The following LMF1 variants were observed in gnomAD, a reference collection of about 807,000 sequenced individuals.
LMF1 encodes transmembrane protein 112.
LMF1 carries 68 observed loss-of-function variants against 60.6 expected under a neutral mutation model. The ratio of observed to expected loss-of-function variants is 1.12; its 90% CI spans 0.92 to 1.37. The LOEUF (loss-of-function observed/expected upper bound fraction) is 1.37. Among genes scored for constraint, LMF1 ranks in the 40% most tolerant of loss-of-function variants. The pLI, the probability that LMF1 is intolerant of heterozygous loss-of-function variation, is 0.00. For synonymous variants in LMF1, 418 were observed against 324.7 expected (o/e 1.29, Z -3.09); for missense variants, 948 against 767.2 (o/e 1.24, Z -2.78).
chr16:944,918 T>TA (rs35660928), intron 2 of LMF1, among the ~76,000 whole-genome samples: 71,619 of 151,126 alleles, frequency 0.47, 18,580 homozygotes, highest in African/African-American at 0.69. Context: ...CTTGTTAGGT[T>TA]AAAAAAAATA....
chr16:861,882 C>G (rs573041255), intron 10 of LMF1, among the ~76,000 whole-genome samples: 1 of 152,314 alleles, frequency 6.6e-6, no homozygotes, highest in Non-Finnish European at 1.5e-5. Context: ...AAGGGTGATT[C>G]CTTGCCCTCG....
At chr16:932,508 A>G (rs2071819260) in intron 3 of LMF1, among the ~76,000 whole-genome samples, 2 of 152,252 alleles carry the variant, frequency 1.3e-5, no homozygotes, top group South Asian at 2.1e-4. Flanking sequence ...CTCCCGCTAG[A>G]CACAGGTGTC....
At chr16:937,501 T>C (rs796294953) in intron 2 of LMF1, among the ~76,000 whole-genome samples, 89 of 148,350 alleles carry the variant, frequency 6.0e-4, no homozygotes, top group Non-Finnish European at 1.1e-3. Flanking sequence ...ACTGACAGGC[T>C]GCTGGGGTCT....
intron 3 of LMF1, among the ~76,000 whole-genome samples, chr16:913,016 G>A (rs890196229): frequency 3.3e-5 from 5 of 152,186 alleles, no homozygotes; most frequent in African/African-American, 9.6e-5. Flanking sequence ...GCGGCAACAC[G>A]CAGGGCCACA....
intron 5 of LMF1, among the ~76,000 whole-genome samples, chr16:881,167 G>A (rs2070152215): frequency 5.3e-5 from 8 of 152,124 alleles, no homozygotes; most frequent in Admixed American, 5.2e-4. Context: ...TGGGGGTGTG[G>A]GAAGCGCAGG....
chr16:875,813 G>C (rs1047019184), intron 6 of LMF1, among the ~76,000 whole-genome samples: 2 of 152,174 alleles, frequency 1.3e-5, no homozygotes, highest in Non-Finnish European at 2.9e-5. Context: ...GCGGGACCCT[G>C]GGGCAGCACA....
At chr16:875,183 A>G (rs2069937941) in intron 6 of LMF1, among the ~76,000 whole-genome samples, 1 of 152,112 alleles carries the variant, frequency 6.6e-6, no homozygotes, top group Middle Eastern at 3.4e-3. Flanking sequence ...TGGTGCTCAC[A>G]GTCCCAGGTG....
chr16:891,995 A>G (rs2070502926), intron 5 of LMF1, among the ~76,000 whole-genome samples: 1 of 152,196 alleles, frequency 6.6e-6, no homozygotes, highest in Admixed American at 6.5e-5. Context: ...GGGGCACTTG[A>G]TGGGCTATGG....
In LMF1 at chr16:854,377, G is replaced by A. The variant is rs562002133; in HGVS notation, c.*155C>T. The A allele has an allele frequency of 4.8e-6, 4 of 836,558 alleles. No individual in the cohort carries two copies. The highest frequency in any genetic ancestry group is 2.9e-5 in the South Asian group (2 of 68,076). 51.8% of individuals were successfully genotyped at this position (836,558 alleles called of 1,614,324 possible). ...GGAGCCGCCACAGTATGTGACAACA[G>A]ACCCCACCCTGGACCCCCGTGCTGG... On this transcript the variant is annotated 3_prime_UTR_variant, in exon 11 of 11. Transcript: ENST00000262301.
At chr16:941,508 C>T (rs429469) in intron 2 of LMF1, among the ~76,000 whole-genome samples, 18 of 152,224 alleles carry the variant, frequency 1.2e-4, no homozygotes, top group Non-Finnish European at 2.4e-4. Flanking sequence ...CAGGTATGAG[C>T]CACCATGCCT....
rs1469499879 is a variant in LMF1 at position 980,272 on chromosome 16, C to G, written c.-135+873G>C. ...TCCCAATGCAAAGCAGCAAGGGCCCCGGGGTCTGCGGACGGGGGCGGGCGG... is the reference window on the plus strand; with the variant it reads ...TCCCAATGCAAAGCAGCAAGGGCCCGGGGGTCTGCGGACGGGGGCGGGCGG... On this transcript the variant is annotated intron_variant, in intron 1 of 6. Transcript: ENST00000570014. The G allele has an allele frequency of 1.1e-4, 17 of 158,372 alleles. No individual in the cohort carries two copies. The South Asian group carries it at 3.2e-3, about 30-fold the overall frequency. 9.8% of individuals were successfully genotyped at this position (158,372 alleles called of 1,614,324 possible).
At chr16:877,154 G>C (rs1365862137) in intron 6 of LMF1, among the ~76,000 whole-genome samples, 1 of 152,174 alleles carries the variant, frequency 6.6e-6, no homozygotes, top group Admixed American at 6.5e-5. Context: ...AACATAGCGA[G>C]ACCCCCAGCT....
At chr16:889,531 G>A (rs917412791) in intron 5 of LMF1, among the ~76,000 whole-genome samples, 4 of 152,154 alleles carry the variant, frequency 2.6e-5, no homozygotes, top group African/African-American at 4.8e-5. Context: ...GCTCTGTGCT[G>A]CTGAAACTTC....
intron 3 of LMF1, among the ~76,000 whole-genome samples, chr16:916,051 A>C (rs12597566): frequency 0.32 from 49,139 of 152,050 alleles, 10,302 homozygotes; most frequent in African/African-American, 0.58. Flanking sequence ...CGGCAAAGGG[A>C]GGGATGAGGG....
At position 949,738 on chromosome 16, in the gene LMF1, G is replaced by A. The variant is rs1483166436; in HGVS notation, c.503+4619C>T. Among the ~76,000 whole-genome samples the A allele has an allele frequency of 6.2e-5, 6 of 96,890 alleles. 1 individual carries two copies. Among genetic ancestry groups the A allele is most frequent in the Non-Finnish European group, 1.1e-4 (6 of 53,124 alleles). The allele number at this position is 96,890 out of a possible 152,430, so 63.6% of individuals were successfully genotyped here. A position where few individuals can be genotyped will look rare whatever the true frequency, so the allele number is the denominator to read the frequency against. On this transcript the variant is annotated intron_variant, in intron 2 of 10. Coordinates refer to ENST00000262301, the MANE Select transcript of LMF1 (RefSeq NM_022773.4). ...CAACGACAGAGTCAGAGACGACAGA[G>A]TCAGAGACGACAGAGTCAGAGCCAA...
At chr16:866,109 C>T (rs111246156) in intron 10 of LMF1, among the ~76,000 whole-genome samples, 1 of 152,366 alleles carries the variant, frequency 6.6e-6, no homozygotes, top group African/African-American at 2.4e-5. Flanking sequence ...TTGGTGCTAT[C>T]ATCTGTCGAC....
At position 946,318 on chromosome 16, in the gene LMF1, T is replaced by C. The variant is rs76812590; in HGVS notation, c.503+8039A>G. Reference sequence around the variant, plus strand: ...CCACTTGTGTGCTTTCCGAATTCACTGTATTGTTGCAAATCCCAGAAACCT... The same window carrying C: ...CCACTTGTGTGCTTTCCGAATTCACCGTATTGTTGCAAATCCCAGAAACCT... On this transcript the variant is annotated intron_variant, in intron 2 of 10. Transcript: ENST00000262301. Among the ~76,000 whole-genome samples the C allele has an allele frequency of 6.4e-4, 97 of 152,356 alleles. No individual in the cohort carries two copies. In the East Asian group the frequency reaches 0.016, roughly 25 times the overall value.
At chr16:941,115 A>G (rs2072090389) in intron 2 of LMF1, among the ~76,000 whole-genome samples, 1 of 152,168 alleles carries the variant, frequency 6.6e-6, no homozygotes, top group Non-Finnish European at 1.5e-5. Flanking sequence ...GCTTTCCAGT[A>G]TATTTATGTA....
chr16:910,156 C>T (rs1235521477), intron 4 of LMF1, among the ~76,000 whole-genome samples: 1 of 152,212 alleles, frequency 6.6e-6, no homozygotes, highest in Admixed American at 6.5e-5. Flanking sequence ...TCAAAAGGAC[C>T]ACGTCGCTCC....
Sources: allele counts gnomAD v4.1 joint callset (sites outside exome capture counted in the v4.1 genomes callset), GRCh38; gene constraint gnomAD v4.1.1; transcripts MANE v1.5; gene names NCBI Gene and HGNC (gene_info 2026-07-23, HGNC 2026-07-21).